SLF2: variants seen among roughly 807,000 people sequenced by gnomAD.
SLF2 encodes SMC5/6 complex localization factor 2, also known as SMC5-SMC6 complex localization factor protein 2.
SLF2 carries 68 observed loss-of-function variants against 124.3 expected under a neutral mutation model. That is an observed-to-expected ratio of 0.55 (90% CI 0.45 to 0.67). The LOEUF (loss-of-function observed/expected upper bound fraction) is 0.67, where lower values mean the gene tolerates loss of function less well. Ranked by LOEUF, SLF2 falls within the 30% of genes least tolerant of loss-of-function variation. The pLI, the probability that SLF2 is intolerant of heterozygous loss-of-function variation, is 0.00. For synonymous variants in SLF2, 480 were observed against 478.8 expected, an observed-to-expected ratio of 1.00 and a Z score of -0.03; for missense variants, 1,246 against 1,373.7, an observed-to-expected ratio of 0.91 and a Z score of 1.47.
At chr10:100,937,844 G>C (rs150383750) in intron 10 of SLF2, among the ~76,000 whole-genome samples, 1 of 151,934 alleles carries the variant, frequency 6.6e-6, no homozygotes, top group Non-Finnish European at 1.5e-5. Context: ...TCCTGAGCTC[G>C]GGCAATTTAC....
chr10:100,959,640 G>T, intron 19 of SLF2, 144 bp downstream of exon 19: 4 of 1,306,400 alleles, frequency 3.1e-6, no homozygotes, highest in East Asian at 2.8e-5. Flanking sequence ...TATAATACAT[G>T]GTTTGTAATT....
In SLF2 at chr10:100,924,831, C is replaced by A. The variant is rs769936532; in HGVS notation, c.1830C>A (p.Tyr610Ter). The change falls in exon 5 of 20, where the codon TAC (tyrosine) becomes TAA (stop). Residue 610 changes from tyrosine to a stop codon, truncating the protein, a stop_gained. Transcript: ENST00000238961. LOFTEE classifies it high-confidence loss of function. ...DFDSDEESLG[Y>*]NLDSDEEEET... is the part of the protein sequence containing the mutation. Reference sequence around the variant, plus strand: ...ATAGTGATGAAGAAAGTTTAGGTTACAACCTAGACAGTGATGAGGAAGAGG... The same window carrying A: ...ATAGTGATGAAGAAAGTTTAGGTTAAAACCTAGACAGTGATGAGGAAGAGG... The A allele has an allele frequency of 1.9e-6, 3 of 1,614,170 alleles. No homozygotes were observed.
intron 12 of SLF2, 80 bp downstream of exon 12, chr10:100,944,208 A>T: frequency 3.0e-6 from 3 of 986,904 alleles, no homozygotes; most frequent in Non-Finnish European, 4.3e-6. Flanking sequence ...AAAAAAAAAA[A>T]GTCTCGGCCG....
chr10:100,939,867 C>A (rs1346657119), intron 11 of SLF2, among the ~76,000 whole-genome samples: 2 of 152,206 alleles, frequency 1.3e-5, no homozygotes, highest in Admixed American at 6.5e-5. Context: ...TATGAAAATT[C>A]TCTTTCTACT....
intron 4 of SLF2, among the ~76,000 whole-genome samples, chr10:100,920,932 G>C (rs1025101535): frequency 2.0e-5 from 3 of 152,184 alleles, no homozygotes; most frequent in Non-Finnish European, 4.4e-5. Context: ...CTGGGTGTCA[G>C]AGCAGGACTC....
intron 11 of SLF2, among the ~76,000 whole-genome samples, chr10:100,939,722 G>A (rs1380818458): frequency 6.6e-6 from 1 of 151,140 alleles, no homozygotes; most frequent in Non-Finnish European, 1.5e-5. Context: ...TTAATTTCAA[G>A]TCAATAAGAA....
intron 11 of SLF2, among the ~76,000 whole-genome samples, chr10:100,939,396 G>A (rs1483685024): frequency 1.3e-5 from 2 of 151,800 alleles, no homozygotes; most frequent in Admixed American, 6.6e-5. Flanking sequence ...AAAAGGTGGG[G>A]GCCAGGCATG....
intron 15 of SLF2, among the ~76,000 whole-genome samples, chr10:100,948,393 G>T (rs1457386612): frequency 2.6e-5 from 4 of 152,168 alleles, no homozygotes; most frequent in Non-Finnish European, 5.9e-5. Context: ...CTACTTGGGA[G>T]GCTGAGGCCA....
chr10:100,918,944 C>T (rs1849473803), intron 4 of SLF2, among the ~76,000 whole-genome samples: 1 of 148,558 alleles, frequency 6.7e-6, no homozygotes, highest in Non-Finnish European at 1.5e-5. Context: ...CAGTATGTTT[C>T]TCATACTGGT....
At position 100,924,691 on chromosome 10, in the gene SLF2, C is replaced by T; in HGVS notation, c.1690C>T (p.Pro564Ser). ...TCCCCCTGCTGCTTTGGAAGTTGTGCCATGTATCCCAAGCCCTGCAGCACC... is the reference window on the plus strand; with the variant it reads ...TCCCCCTGCTGCTTTGGAAGTTGTGTCATGTATCCCAAGCCCTGCAGCACC... The part of the protein sequence containing the change: ...KSPPAALEVV[P>S]CIPSPAAPSD... Residue 564 changes from proline (P) to serine (S), a missense_variant, in exon 5 of 20, where the codon CCA becomes TCA. Around this residue, in one of 3 missense-constraint regions of SLF2, gnomAD observed 698 missense variants for 708.9 expected, o/e 0.98. Coordinates refer to ENST00000238961, the MANE Select transcript of SLF2 (RefSeq NM_018121.4). 6.2e-7 allele frequency: 1 copy of T among 1,614,092 alleles called. No individual in the cohort carries two copies. The highest frequency in any genetic ancestry group is 1.1e-5 in the South Asian group (1 of 91,084).
Position 100,950,850 on chromosome 10 carries a change from CTT to C in SLF2, c.3330+100_3330+101del, listed in dbSNP as rs1035572010. 1.2e-4 allele frequency: 111 copies of C among 927,290 alleles called. No homozygotes were observed. The African/African-American group carries it at 1.7e-3, about 14-fold the overall frequency. The allele number at this position is 927,290 out of a possible 1,614,324, so 57.4% of individuals were successfully genotyped here. On this transcript the variant is annotated intron_variant, in intron 17 of 19. Coordinates refer to ENST00000238961, the MANE Select transcript of SLF2 (RefSeq NM_018121.4). ...TTTATATAGGAGAAAACTATGTAAA[CTT>C]TTCTTAATATAAAAGCTAATTGATT...
chr10:100,947,883 G>A (rs1473444674), intron 15 of SLF2, 36 bp downstream of exon 15: 1 of 1,458,274 alleles, frequency 6.9e-7, no homozygotes, highest in South Asian at 1.1e-5. Context: ...TAATAAATGG[G>A]AGAGGTAATG....
Position 100,913,030 on chromosome 10 carries a change from C to G in SLF2, c.-81C>G, listed in dbSNP as rs539069675. ...GCCCACCTCTGCTCCGACAGCCTCC[C>G]GGAGTCCCAGCAGCAAGACGGCAAC... On this transcript the variant is annotated 5_prime_UTR_variant, in exon 1 of 20. Transcript: ENST00000238961. 1.3e-5 allele frequency: 19 copies of G among 1,503,214 alleles called. No homozygotes were observed. Among genetic ancestry groups the G allele is most frequent in the Non-Finnish European group, 1.7e-5 (19 of 1,100,536 alleles). 93.1% of individuals were successfully genotyped at this position (1,503,214 alleles called of 1,614,324 possible).
At chr10:100,948,492 A>T (rs958609047) in intron 15 of SLF2, among the ~76,000 whole-genome samples, 1 of 151,968 alleles carries the variant, frequency 6.6e-6, no homozygotes, top group Admixed American at 6.6e-5. Context: ...TTTTTAATTA[A>T]AAAAAATGTC....
At chr10:100,922,444 G>A (rs916291864) in intron 4 of SLF2, among the ~76,000 whole-genome samples, 5 of 152,096 alleles carry the variant, frequency 3.3e-5, no homozygotes, top group African/African-American at 1.2e-4. Flanking sequence ...CTGAGCTCAC[G>A]AACTCCCACC....
intron 6 of SLF2, among the ~76,000 whole-genome samples, chr10:100,926,993 A>G (rs988360327): frequency 6.6e-6 from 1 of 152,090 alleles, no homozygotes; most frequent in Non-Finnish European, 1.5e-5. Context: ...ATACTGCACT[A>G]ACTAATAATA....
intron 17 of SLF2, 144 bp downstream of exon 17, chr10:100,950,897 G>A: frequency 1.5e-6 from 1 of 658,954 alleles, no homozygotes; most frequent in Non-Finnish European, 2.7e-6. Flanking sequence ...GAATTCCCAT[G>A]TATACCAGAA....
At chr10:100,957,329 AATTT>A (rs1398432242) in intron 18 of SLF2, among the ~76,000 whole-genome samples, 4 of 80,538 alleles carry the variant, frequency 5.0e-5, no homozygotes, top group African/African-American at 7.9e-5. Flanking sequence ...AGGAGTCTTC[AATTT>A]TTTTTTTTTT....
In SLF2 at chr10:100,926,006, G is replaced by A. The variant is rs779214197; in HGVS notation, c.2029G>A (p.Glu677Lys). The stretch of plus-strand genomic sequence containing the variant: ...CTTAGAACGTCTAGTGAAGGAAATG[G>A]AAGACACACAAAGGTTTGTTAGCAT... ...NTLERLVKEM[E>K]DTQRLDELQK... The change falls in exon 6 of 20, where the codon GAA (glutamate) becomes AAA (lysine). Residue 677 changes from glutamate (E) to lysine (K), a missense_variant. By Grantham distance (56) the Glu-to-Lys change is moderately conservative. Coordinates refer to ENST00000238961, the MANE Select transcript of SLF2 (RefSeq NM_018121.4). 3 of 1,613,872 alleles carry A rather than the reference G, an allele frequency of 1.9e-6. No homozygotes were observed. The highest frequency in any genetic ancestry group is 2.5e-6 in the Non-Finnish European group (3 of 1,179,898).
Sources: gnomAD v4.1 joint callset for allele counts (sites outside exome capture counted in the v4.1 genomes callset) on GRCh38, gnomAD v4.1.1 for gene constraint, gnomAD v4.1.1 regional missense constraint, MANE v1.5 for transcripts, NCBI Gene and HGNC (gene_info 2026-07-23, HGNC 2026-07-21) for gene names.